The following EXT2 variants were observed in gnomAD, a reference collection of about 807,000 sequenced individuals.
The protein encoded by EXT2 is exostosin-2.
A neutral mutation model predicts 81.6 loss-of-function variants in EXT2; 53 were observed. That is an observed-to-expected ratio of 0.65 (90% CI 0.52 to 0.82). EXT2 has a LOEUF of 0.82. Among genes scored for constraint, EXT2 ranks in the 40% least tolerant of loss-of-function variants. The probability of loss-of-function intolerance (pLI) is 0.00; values close to 1 mark genes in which losing one functional copy is unlikely to be tolerated. For synonymous variants in EXT2, 320 were observed against 340.0 expected (o/e 0.94, Z 0.65); for missense variants, 774 against 910.2 (o/e 0.85, Z 1.93).
chr11:44,110,121 A>G (rs1024649939), intron 3 of EXT2, among the ~76,000 whole-genome samples: 1 of 152,028 alleles, frequency 6.6e-6, no homozygotes, highest in Non-Finnish European at 1.5e-5. Flanking sequence ...TAACTCTTAA[A>G]CTCATTGTTA....
chr11:44,135,631 A>C (rs929326169), intron 7 of EXT2, among the ~76,000 whole-genome samples: 13 of 152,128 alleles, frequency 8.5e-5, no homozygotes, highest in African/African-American at 2.9e-4. Context: ...ACCTCAAGCA[A>C]TCAGCCCTCC....
intron 8 of EXT2, among the ~76,000 whole-genome samples, chr11:44,172,669 C>T (rs925006193): frequency 1.5e-4 from 23 of 151,450 alleles, no homozygotes; most frequent in African/African-American, 4.1e-4. Context: ...CTGCAACCTC[C>T]GCCTCCCAGG....
intron 10 of EXT2, among the ~76,000 whole-genome samples, chr11:44,213,353 A>G (rs563241989): frequency 1.5e-4 from 23 of 152,312 alleles, no homozygotes; most frequent in African/African-American, 5.3e-4. Context: ...CATACCAGAA[A>G]CCAGGCAAAT....
At chr11:44,140,012 G>T (rs574988045) in intron 7 of EXT2, among the ~76,000 whole-genome samples, 2 of 152,188 alleles carry the variant, frequency 1.3e-5, no homozygotes, top group African/African-American at 4.8e-5. Flanking sequence ...TTGCAGGTCC[G>T]GAACCTCGCC....
intron 7 of EXT2, among the ~76,000 whole-genome samples, chr11:44,157,683 G>A (rs1324675908): frequency 6.6e-6 from 1 of 152,152 alleles, no homozygotes; most frequent in Non-Finnish European, 1.5e-5. Flanking sequence ...CCAAGGCCTG[G>A]GATAAGACCC....
intron 13 of EXT2, among the ~76,000 whole-genome samples, chr11:44,239,569 T>G (rs547218970): frequency 3.3e-5 from 5 of 151,824 alleles, no homozygotes; most frequent in African/African-American, 1.2e-4. Context: ...ATTTTTTGTA[T>G]TTTTGTAGAG....
intron 3 of EXT2, among the ~76,000 whole-genome samples, chr11:44,109,782 C>A (rs921528071): frequency 6.6e-6 from 1 of 152,134 alleles, no homozygotes; most frequent in Non-Finnish European, 1.5e-5. Context: ...CATTATTCGC[C>A]CCTCTTGCCT....
chr11:44,117,211 C>T (rs1954235033), intron 4 of EXT2, among the ~76,000 whole-genome samples: 1 of 152,024 alleles, frequency 6.6e-6, no homozygotes, highest in South Asian at 2.1e-4. Context: ...TCAGGTGATC[C>T]ACCCACCTTG....
intron 7 of EXT2, among the ~76,000 whole-genome samples, chr11:44,143,924 C>T (rs1438911691): frequency 1.3e-5 from 2 of 152,196 alleles, no homozygotes; most frequent in Non-Finnish European, 2.9e-5. Context: ...GTCACGCTAA[C>T]ATGGCTGTCA....
intron 7 of EXT2, among the ~76,000 whole-genome samples, chr11:44,141,626 A>G (rs1954647259): frequency 6.6e-6 from 1 of 152,234 alleles, no homozygotes; most frequent in Admixed American, 6.5e-5. Flanking sequence ...ATCATGAACA[A>G]TCTTCATTAC....
At position 44,214,941 on chromosome 11, in the gene EXT2, C is replaced by T. The variant is rs1045987490; in HGVS notation, c.1662+7982C>T. On this transcript the variant is annotated intron_variant, in intron 10 of 13. Transcript: ENST00000533608. The stretch of plus-strand genomic sequence containing the variant: ...TTTATTTTTTGGCGGGGGGTGGGGG[C>T]GGTAGACAAGCTCCTGCTATGTTGT... Among the ~76,000 whole-genome samples the T allele has an allele frequency of 3.3e-5, 5 of 151,566 alleles. No individual in the cohort carries two copies. In the East Asian group the frequency reaches 5.8e-4, roughly 18 times the overall value.
In EXT2 at chr11:44,247,035, T is replaced by C. The variant is rs1164536647; in HGVS notation, c.*2748T>C. ...TTTGCCCCCAGGGGCCTAACTGGGA[T>C]GGGCCTGCTTGGAATGCCAGGGCTG... On this transcript the variant is annotated 3_prime_UTR_variant, in exon 14 of 14. Coordinates refer to ENST00000533608, the MANE Select transcript of EXT2 (RefSeq NM_207122.2). 6.6e-6 allele frequency among the ~76,000 whole-genome samples: 1 copy of C among 152,264 alleles called. No individual in the cohort carries two copies. Among genetic ancestry groups the C allele is most frequent in the Non-Finnish European group, 1.5e-5 (1 of 68,048 alleles).
chr11:44,111,967 T>G (rs1331449736), intron 3 of EXT2, among the ~76,000 whole-genome samples: 2 of 152,252 alleles, frequency 1.3e-5, no homozygotes, highest in Non-Finnish European at 2.9e-5. Flanking sequence ...CATGTTTACC[T>G]GTCTCACAAA....
At position 44,233,428 on chromosome 11, in the gene EXT2, C is replaced by G. The variant is rs375628462; in HGVS notation, c.1807-687C>G. On this transcript the variant is annotated intron_variant, in intron 11 of 13. Coordinates refer to ENST00000533608, the MANE Select transcript of EXT2 (RefSeq NM_207122.2). Reference sequence around the variant, plus strand: ...TATTTATTAGCTTTTTGTACTTCCTCTCTTCTGGGAATCATCACTTCGTGT... The same window carrying G: ...TATTTATTAGCTTTTTGTACTTCCTGTCTTCTGGGAATCATCACTTCGTGT... Among the ~76,000 whole-genome samples, 348 of 152,286 alleles carry G rather than the reference C, an allele frequency of 2.3e-3. 1 individual carries two copies. Among genetic ancestry groups the G allele is most frequent in the African/African-American group, 8.0e-3 (333 of 41,566 alleles).
chr11:44,241,519 A>G (rs1161718591), intron 13 of EXT2, among the ~76,000 whole-genome samples: 1 of 152,238 alleles, frequency 6.6e-6, no homozygotes, highest in African/African-American at 2.4e-5. Flanking sequence ...TGAAGTAGTG[A>G]TACATGAAAG....
At chr11:44,171,481 C>G (rs1955072181) in intron 7 of EXT2, 130 bp from the exon 8 acceptor site, 23 of 1,391,126 alleles carry the variant, frequency 1.7e-5, no homozygotes, top group Non-Finnish European at 2.1e-5. Flanking sequence ...AGCATATGCC[C>G]TAGGCACCCC....
chr11:44,139,660 C>T (rs1458308237), intron 7 of EXT2, among the ~76,000 whole-genome samples: 1 of 152,122 alleles, frequency 6.6e-6, no homozygotes, highest in Non-Finnish European at 1.5e-5. Context: ...AAAGGGGAGA[C>T]GAGCTTCATC....
chr11:44,111,322 G>A (rs1284583288), intron 3 of EXT2, among the ~76,000 whole-genome samples: 2 of 152,050 alleles, frequency 1.3e-5, no homozygotes, highest in Admixed American at 1.3e-4. Context: ...AGTGTATAAA[G>A]AGTAAAACGT....
rs1353530327 is a variant in EXT2, at chr11:44,244,411, T to C, written c.*124T>C. On this transcript the variant is annotated 3_prime_UTR_variant, in exon 14 of 14. Transcript: ENST00000533608. ...AGGTTGACCTACTTGGATCTTGGCA[T>C]GCACCCACCTAACCCACTTTCTCAA... is the stretch of plus-strand genomic sequence containing the variant. 5 of 1,006,046 alleles carry C rather than the reference T, an allele frequency of 5.0e-6. No homozygotes were observed. Among genetic ancestry groups the C allele is most frequent in the Non-Finnish European group, 3.1e-6 (2 of 648,788 alleles). The allele number at this position is 1,006,046 out of a possible 1,614,324, so 62.3% of individuals were successfully genotyped here. A position where few individuals can be genotyped will look rare whatever the true frequency, so the allele number is the denominator to read the frequency against.
Sources: gnomAD v4.1 joint callset for allele counts (sites outside exome capture counted in the v4.1 genomes callset) on GRCh38, gnomAD v4.1.1 for gene constraint, MANE v1.5 for transcripts, NCBI Gene and HGNC (gene_info 2026-07-23, HGNC 2026-07-21) for gene names.